SMAD3: variants seen among roughly 807,000 people sequenced by gnomAD.
The protein encoded by SMAD3 is SMAD family member 3.
SMAD3 carries 12 observed loss-of-function variants against 51.8 expected under a neutral mutation model. The observed-to-expected ratio is 0.23, with a 90% CI of 0.15 to 0.38. SMAD3 has a LOEUF of 0.38. Among genes scored for constraint, SMAD3 ranks in the 10% least tolerant of loss-of-function variants. The pLI, the probability that SMAD3 is intolerant of heterozygous loss-of-function variation, is 1.00. For synonymous variants in SMAD3, 238 were observed against 227.7 expected (o/e 1.05, Z -0.41); for missense variants, 294 against 565.6 (o/e 0.52, Z 4.87).
chr15:67,120,893 G>A (rs995850727), intron 1 of SMAD3, among the ~76,000 whole-genome samples: 6 of 152,034 alleles, frequency 3.9e-5, no homozygotes, highest in African/African-American at 4.8e-5. Flanking sequence ...ATCAGCTATC[G>A]TTAGTTAGCG....
At chr15:67,147,026 C>T (rs934305777) in intron 1 of SMAD3, 1 of 152,258 alleles carries the variant, frequency 6.6e-6, no homozygotes, top group South Asian at 2.1e-4. Flanking sequence ...TCCCACAGTT[C>T]TTTGCTCCTT....
intron 6 of SMAD3, among the ~76,000 whole-genome samples, chr15:67,182,986 T>TAAA (rs35277759): frequency 4.2e-4 from 20 of 48,038 alleles, no homozygotes; most frequent in African/African-American, 7.1e-4. Flanking sequence ...TATATTTTAT[T>TAAA]AAAAAAAAAA....
At chr15:67,106,493 C>T (rs1293659473) in intron 1 of SMAD3, among the ~76,000 whole-genome samples, 2 of 152,146 alleles carry the variant, frequency 1.3e-5, no homozygotes, top group Non-Finnish European at 2.9e-5. Context: ...ATCCCCAATA[C>T]ACTCTCTCAC....
intron 1 of SMAD3, chr15:67,137,989 C>T (rs1335362410): frequency 2.7e-6 from 4 of 1,461,938 alleles, no homozygotes; most frequent in Non-Finnish European, 2.8e-6. Flanking sequence ...CATCAGAATC[C>T]CTCCCTCCCG....
At chr15:67,158,761 C>G (rs1962348823) in intron 1 of SMAD3, among the ~76,000 whole-genome samples, 1 of 152,210 alleles carries the variant, frequency 6.6e-6, no homozygotes, top group African/African-American at 2.4e-5. Flanking sequence ...TGTGAACATT[C>G]AAAGCACCAG....
intron 1 of SMAD3, among the ~76,000 whole-genome samples, chr15:67,093,359 C>A (rs881862): frequency 6.6e-6 from 1 of 152,040 alleles, no homozygotes; most frequent in South Asian, 2.1e-4. Flanking sequence ...TGCCAGGGCC[C>A]ACACCAGCCT....
At position 67,190,301 on chromosome 15, in the gene SMAD3, C is replaced by T. The variant is rs1001111102; in HGVS notation, c.1155-112C>T. 2.4e-5 allele frequency: 24 copies of T among 1,019,032 alleles called. No homozygotes were observed. The South Asian group carries it at 3.1e-4, about 13-fold the overall frequency. The allele number at this position is 1,019,032 out of a possible 1,614,324, so 63.1% of individuals were successfully genotyped here. On this transcript the variant is annotated intron_variant, in intron 8 of 8. Coordinates refer to ENST00000327367, the MANE Select transcript of SMAD3 (RefSeq NM_005902.4). The stretch of plus-strand genomic sequence containing the variant: ...GTACCGCTTCTAGGACAGCGTCTAA[C>T]AGCATCTTTGGGAAGATGACTGTCA...
At chr15:67,088,521 G>A (rs369268687) in intron 1 of SMAD3, among the ~76,000 whole-genome samples, 2 of 152,188 alleles carry the variant, frequency 1.3e-5, no homozygotes, top group Admixed American at 6.5e-5. Flanking sequence ...GGGCGGTAGC[G>A]AGGGAAACAC....
intron 1 of SMAD3, among the ~76,000 whole-genome samples, chr15:67,097,200 GTTT>G (rs1169061340): frequency 6.6e-6 from 1 of 151,430 alleles, no homozygotes; most frequent in Non-Finnish European, 1.5e-5. Flanking sequence ...TTTTTTTGTG[GTTT>G]TTTTTGTTTG....
At chr15:67,152,629 CAT>C (rs1595933105) in intron 1 of SMAD3, among the ~76,000 whole-genome samples, 2 of 152,198 alleles carry the variant, frequency 1.3e-5, no homozygotes, top group African/African-American at 4.8e-5. Flanking sequence ...CTTAAAAAAA[CAT>C]AAACCATTGT....
At chr15:67,100,859 A>G (rs1960739255) in intron 1 of SMAD3, among the ~76,000 whole-genome samples, 1 of 152,224 alleles carries the variant, frequency 6.6e-6, no homozygotes, top group African/African-American at 2.4e-5. Context: ...AGAGCAGCGT[A>G]CCAGAGTTGA....
intron 4 of SMAD3, among the ~76,000 whole-genome samples, chr15:67,170,290 A>G (rs1962711221): frequency 6.6e-6 from 1 of 152,210 alleles, no homozygotes; most frequent in African/African-American, 2.4e-5. Context: ...TAGGATCATA[A>G]AACTATCTGA....
intron 1 of SMAD3, among the ~76,000 whole-genome samples, chr15:67,077,604 A>G (rs1454684718): frequency 6.6e-6 from 1 of 152,236 alleles, no homozygotes; most frequent in Non-Finnish European, 1.5e-5. Context: ...AAGAGACACT[A>G]TAGTGAAGGT....
intron 1 of SMAD3, among the ~76,000 whole-genome samples, chr15:67,152,840 G>C (rs1189213430): frequency 6.6e-6 from 1 of 152,136 alleles, no homozygotes; most frequent in Non-Finnish European, 1.5e-5. Flanking sequence ...AAAAAAGTTT[G>C]TGAAGACCAA....
chr15:67,146,114 A>G (rs1259711366), intron 1 of SMAD3: 1 of 152,260 alleles, frequency 6.6e-6, no homozygotes. Flanking sequence ...TGAAGTAGAC[A>G]TGGTAAAACT....
intron 1 of SMAD3, among the ~76,000 whole-genome samples, chr15:67,066,964 C>G (rs1292815800): frequency 6.6e-6 from 1 of 152,192 alleles, no homozygotes; most frequent in Non-Finnish European, 1.5e-5. Flanking sequence ...TTGTGCCAGT[C>G]TCCCGCCCCC....
chr15:67,135,152 C>G (rs1684005223), intron 1 of SMAD3, among the ~76,000 whole-genome samples: 1 of 152,142 alleles, frequency 6.6e-6, no homozygotes, highest in South Asian at 2.1e-4. Flanking sequence ...TGGAAGGTTC[C>G]TTTCTGTGCC....
intron 4 of SMAD3, among the ~76,000 whole-genome samples, chr15:67,168,166 G>A (rs1285961500): frequency 6.6e-6 from 1 of 152,206 alleles, no homozygotes; most frequent in African/African-American, 2.4e-5. Flanking sequence ...TGTTGGCTAG[G>A]CTGGTCTCAA....
Position 67,138,135 on chromosome 15 carries a change from T to C in SMAD3, c.207-26760T>C, listed in dbSNP as rs1269268517. ...CCGTGCCGGGACATGTCTTTTCTCT[T>C]TCTTGAACTCGTCTCCCCACCCGTC... On this transcript the variant is annotated intron_variant, in intron 1 of 8. Coordinates refer to ENST00000327367, the MANE Select transcript of SMAD3 (RefSeq NM_005902.4). 3 of 1,487,072 alleles carry C rather than the reference T, an allele frequency of 2.0e-6. No individual in the cohort carries two copies. In the African/African-American group the frequency reaches 4.2e-5, roughly 21 times the overall value. The allele number at this position is 1,487,072 out of a possible 1,614,324, so 92.1% of individuals were successfully genotyped here. A position where few individuals can be genotyped will look rare whatever the true frequency, so the allele number is the denominator to read the frequency against.
Sources: allele counts gnomAD v4.1 joint callset (sites outside exome capture counted in the v4.1 genomes callset), GRCh38; gene constraint gnomAD v4.1.1; transcripts MANE v1.5; gene names NCBI Gene and HGNC (gene_info 2026-07-23, HGNC 2026-07-21).